Variants in ATF7IP observed in about 807,000 individuals in gnomAD.
The protein encoded by ATF7IP is activating transcription factor 7-interacting protein 1.
A neutral mutation model predicts 106.4 loss-of-function variants in ATF7IP; 23 were observed. The ratio of observed to expected loss-of-function variants is 0.22; its 90% confidence interval spans 0.16 to 0.31. ATF7IP has a LOEUF of 0.31. Ranked by LOEUF, ATF7IP falls within the 10% of genes least tolerant of loss-of-function variation. The pLI is 1.00. For synonymous variants in ATF7IP, 542 were observed against 539.0 expected (o/e 1.01, Z -0.08); for missense variants, 1,334 against 1,524.3 (o/e 0.88, Z 2.08).
intron 1 of ATF7IP, among the ~76,000 whole-genome samples, chr12:14,380,525 T>C (rs1468027354): frequency 6.6e-6 from 1 of 152,248 alleles, no homozygotes; most frequent in Admixed American, 6.5e-5. Context: ...AAATAGGCTC[T>C]GATTGCCAGC....
At chr12:14,403,051 G>A (rs1262893507) in intron 1 of ATF7IP, among the ~76,000 whole-genome samples, 2 of 151,976 alleles carry the variant, frequency 1.3e-5, no homozygotes, top group Non-Finnish European at 2.9e-5. Context: ...GTTTTTTTGT[G>A]TTTAAGAGAA....
chr12:14,376,147 G>C (rs921404603), intron 1 of ATF7IP, among the ~76,000 whole-genome samples: 9 of 152,196 alleles, frequency 5.9e-5, no homozygotes, highest in Admixed American at 5.2e-4. Flanking sequence ...TTCTCACATT[G>C]ATTGTCATAT....
At chr12:14,444,554 C>G (rs1591874935) in intron 5 of ATF7IP, among the ~76,000 whole-genome samples, 1 of 151,820 alleles carries the variant, frequency 6.6e-6, no homozygotes, top group Non-Finnish European at 1.5e-5. Context: ...GAATATCTAC[C>G]AAAATAGCCA....
chr12:14,409,035 A>C (rs1006085084), intron 1 of ATF7IP, among the ~76,000 whole-genome samples: 12 of 152,094 alleles, frequency 7.9e-5, no homozygotes, highest in African/African-American at 2.9e-4. Context: ...AGCATATTTA[A>C]GATGTTTTCT....
In ATF7IP at chr12:14,498,294, A is replaced by T. The variant is rs1945071561; in HGVS notation, c.*221A>T. 2.1e-6 allele frequency: 1 copy of T among 471,628 alleles called. No individual in the cohort carries two copies. The highest frequency in any genetic ancestry group is 3.8e-5 in the Admixed American group (1 of 26,576). The allele number at this position is 471,628 out of a possible 1,614,324, so 29.2% of individuals were successfully genotyped here. A position where few individuals can be genotyped will look rare whatever the true frequency, so the allele number is the denominator to read the frequency against. ...TAGGCTTTGGGGTTTGGAAATGTAAATGTGTACCTTGCTTTAGTTTTGAGG... is the reference window on the plus strand; with the variant it reads ...TAGGCTTTGGGGTTTGGAAATGTAATTGTGTACCTTGCTTTAGTTTTGAGG... On this transcript the variant is annotated 3_prime_UTR_variant, in exon 15 of 15. Coordinates refer to ENST00000261168, the MANE Select transcript of ATF7IP (RefSeq NM_018179.5).
intron 1 of ATF7IP, among the ~76,000 whole-genome samples, chr12:14,415,718 A>T (rs1941168326): frequency 1.4e-5 from 2 of 147,358 alleles, no homozygotes; most frequent in Admixed American, 6.8e-5. Context: ...AGATGGCAGG[A>T]TAGCTAGTGA....
chr12:14,480,996 G>A lies in ATF7IP; in HGVS notation c.3098-7G>A. 2 of 1,612,084 alleles carry A rather than the reference G, an allele frequency of 1.2e-6. No homozygotes were observed. The highest frequency in any genetic ancestry group is 1.7e-6 in the Non-Finnish European group (2 of 1,179,238). ...TATTCTTAATATCTTTTTCTGCCTT[G>A]CATTAGCTCCAACTACCGTGAATGT... On this transcript the variant is annotated splice_region_variant and splice_polypyrimidine_tract_variant and intron_variant, in intron 12 of 14. Coordinates refer to ENST00000261168, the MANE Select transcript of ATF7IP (RefSeq NM_018179.5).
chr12:14,383,594 A>T (rs2136415519), intron 1 of ATF7IP, among the ~76,000 whole-genome samples: 1 of 152,244 alleles, frequency 6.6e-6, no homozygotes, highest in East Asian at 1.9e-4. Flanking sequence ...GGCTCTGTTG[A>T]CTAGGCTGGA....
chr12:14,497,743 T>A lies in ATF7IP; in HGVS notation c.3483T>A (p.Pro1161=). ...LPPEAASTSL[P]QKPHLKLARV... ...CAGAAGCTGCCAGCACATCTCTGCC[T>A]CAGAAGCCACACTTGAAGTTAGCAC... The change falls in exon 15 of 15, where the codon CCT becomes CCA. Residue 1161 remains proline, a synonymous_variant. Transcript: ENST00000261168. The A allele has an allele frequency of 1.9e-6, 3 of 1,614,120 alleles. No homozygotes were observed. The highest frequency in any genetic ancestry group is 2.5e-6 in the Non-Finnish European group (3 of 1,180,008).
chr12:14,492,473 T>C (rs147048983), intron 13 of ATF7IP, among the ~76,000 whole-genome samples: 2,112 of 152,148 alleles, frequency 0.014, 63 homozygotes, highest in African/African-American at 0.048. Flanking sequence ...CTCCCCTTCA[T>C]TCAAGGGGTT....
chr12:14,373,879 T>G (rs1391963134), intron 1 of ATF7IP, among the ~76,000 whole-genome samples: 1 of 152,032 alleles, frequency 6.6e-6, no homozygotes, highest in Admixed American at 6.6e-5. Flanking sequence ...GTTGAAAACA[T>G]TATGATTAGT....
Position 14,366,833 on chromosome 12 carries a change from T to TA in ATF7IP, c.-8+1014dup, listed in dbSNP as rs150770023. Among the ~76,000 whole-genome samples the TA allele has an allele frequency of 9.9e-5, 15 of 152,124 alleles. No individual in the cohort carries two copies. The East Asian group carries it at 1.3e-3, about 14-fold the overall frequency. On this transcript the variant is annotated intron_variant, in intron 1 of 14. Transcript: ENST00000261168. Reference sequence around the variant, plus strand: ...CTCTTTGAAGAAAGTGGACCATTAATAAAAAAAATCTGTTTTTTTCTTTTA... The same window carrying TA: ...CTCTTTGAAGAAAGTGGACCATTAATAAAAAAAAATCTGTTTTTTTCTTTTA...
chr12:14,412,437 T>C (rs1426037016), intron 1 of ATF7IP, among the ~76,000 whole-genome samples: 1 of 152,170 alleles, frequency 6.6e-6, no homozygotes, highest in African/African-American at 2.4e-5. Context: ...TATTTATTTA[T>C]GTCTTTAATT....
intron 1 of ATF7IP, among the ~76,000 whole-genome samples, chr12:14,373,200 C>A (rs1413478789): frequency 6.6e-6 from 1 of 152,132 alleles, no homozygotes; most frequent in Non-Finnish European, 1.5e-5. Flanking sequence ...CTTTTGAACT[C>A]TTTTATTTCC....
At chr12:14,418,752 A>G (rs544033267) in intron 1 of ATF7IP, among the ~76,000 whole-genome samples, 1 of 152,266 alleles carries the variant, frequency 6.6e-6, no homozygotes, top group African/African-American at 2.4e-5. Flanking sequence ...TAGAACCCAT[A>G]AGATCTGGTA....
At chr12:14,404,116 A>G (rs1049789715) in intron 1 of ATF7IP, among the ~76,000 whole-genome samples, 18 of 136,900 alleles carry the variant, frequency 1.3e-4, no homozygotes, top group African/African-American at 4.7e-4. Flanking sequence ...CATCTTTGTA[A>G]TTACACATTT....
chr12:14,365,899 A>C (rs1192208208), intron 1 of ATF7IP, 72 bp downstream of exon 1: 1 of 152,362 alleles, frequency 6.6e-6, no homozygotes, highest in Non-Finnish European at 1.5e-5. Flanking sequence ...AAGAGTCAAG[A>C]CCGCATTATG....
At chr12:14,379,962 T>C (rs992017302) in intron 1 of ATF7IP, among the ~76,000 whole-genome samples, 3 of 152,178 alleles carry the variant, frequency 2.0e-5, no homozygotes, top group Non-Finnish European at 2.9e-5. Context: ...TGGAAAGTTT[T>C]CTTAAATGAT....
intron 10 of ATF7IP, among the ~76,000 whole-genome samples, chr12:14,471,706 A>G (rs1944051450): frequency 6.6e-6 from 1 of 152,172 alleles, no homozygotes; most frequent in Non-Finnish European, 1.5e-5. Context: ...AGCCCCTTAC[A>G]AAACCATCAG....
Sources: gnomAD v4.1 joint callset for allele counts (sites outside exome capture counted in the v4.1 genomes callset) on GRCh38, gnomAD v4.1.1 for gene constraint, MANE v1.5 for transcripts, NCBI Gene and HGNC (gene_info 2026-07-23, HGNC 2026-07-21) for gene names.